The following HPD variants were observed in gnomAD, a reference collection of about 807,000 sequenced individuals.
HPD encodes the protein 4-hydroxyphenylpyruvate dioxygenase, also known as 4-hydroxyphenylpyruvic acid oxidase.
HPD carries 35 observed loss-of-function variants against 56.9 expected under a neutral mutation model. The observed-to-expected ratio is 0.62, with a 90% CI of 0.47 to 0.82. The LOEUF (loss-of-function observed/expected upper bound fraction) is 0.82, where lower values mean the gene tolerates loss of function less well. Ranked by LOEUF, HPD falls within the 40% of genes least tolerant of loss-of-function variation. The pLI is 0.00. For synonymous variants in HPD, 186 were observed against 200.2 expected, an observed-to-expected ratio of 0.93 and a Z score of 0.60; for missense variants, 442 against 506.8, an observed-to-expected ratio of 0.87 and a Z score of 1.23.
At chr12:121,855,642 A>T (rs1475920380) in intron 6 of HPD, among the ~76,000 whole-genome samples, 1 of 151,902 alleles carries the variant, frequency 6.6e-6, no homozygotes, top group African/African-American at 2.4e-5. Context: ...GCTTGAACCC[A>T]GGAGGTGGAG....
the HPD span, among the ~76,000 whole-genome samples, chr12:121,883,181 TGTGTGTG>T: frequency 0.038 from 88 of 2,296 alleles, no homozygotes; most frequent in Admixed American, 0.076. Flanking sequence ...GAGCATAAGT[TGTGTGTG>T]TGTGTGTGTG....
upstream of HPD, among the ~76,000 whole-genome samples, chr12:121,860,302 T>C (rs1460049735): frequency 6.6e-6 from 1 of 152,152 alleles, no homozygotes; most frequent in Non-Finnish European, 1.5e-5. Context: ...ATCTTGTCAC[T>C]TTGATTGCTG....
chr12:121,846,950 A>G lies in HPD; in HGVS notation c.760-17T>C. The stretch of plus-strand genomic sequence containing the variant: ...CACATATTCCTGGGGGAGGGAAACA[A>G]GGAGACCACTGTCATTTGCCCCATC... On this transcript the variant is annotated splice_polypyrimidine_tract_variant and intron_variant, in intron 10 of 13. Transcript: ENST00000289004. The G allele has an allele frequency of 6.2e-7, 1 of 1,613,736 alleles. No homozygotes were observed. The highest frequency in any genetic ancestry group is 1.1e-5 in the South Asian group (1 of 91,076).
At chr12:121,848,046 C>T (rs1193807580) in intron 9 of HPD, among the ~76,000 whole-genome samples, 1 of 152,108 alleles carries the variant, frequency 6.6e-6, no homozygotes, top group Non-Finnish European at 1.5e-5. Context: ...AAGGCTCCCA[C>T]AGATGGAAGT....
chr12:121,884,188 T>C, the HPD span, among the ~76,000 whole-genome samples: 2 of 88,924 alleles, frequency 2.2e-5, no homozygotes, highest in African/African-American at 4.7e-5. Flanking sequence ...TTTTTTTTTT[T>C]GAGACGGAGT....
chr12:121,886,410 G>A, the HPD span, among the ~76,000 whole-genome samples: 1 of 110,338 alleles, frequency 9.1e-6, no homozygotes, highest in Non-Finnish European at 1.8e-5. Context: ...GCCTGGCCTA[G>A]TTTTTTTTTT....
At chr12:121,857,905 C>T (rs1053945365) in intron 2 of HPD, 86 bp from the exon 3 acceptor site, 5 of 995,070 alleles carry the variant, frequency 5.0e-6, no homozygotes, top group East Asian at 2.5e-5. Context: ...TAGCCACCCT[C>T]CTTATTCCAG....
the HPD span, among the ~76,000 whole-genome samples, chr12:121,878,123 A>G: frequency 6.6e-6 from 1 of 152,196 alleles, no homozygotes; most frequent in East Asian, 1.9e-4. Context: ...GTTGCACAAC[A>G]TTGTGAATTA....
At chr12:121,853,809 G>A (rs147635497) in intron 7 of HPD, among the ~76,000 whole-genome samples, 16 of 151,722 alleles carry the variant, frequency 1.1e-4, no homozygotes, top group African/African-American at 3.6e-4. Context: ...CCGTGTGTGC[G>A]GGTGGATGCC....
intron 6 of HPD, 60 bp downstream of exon 6, chr12:121,856,264 A>C (rs978364777): frequency 6.0e-6 from 8 of 1,333,056 alleles, no homozygotes; most frequent in Admixed American, 5.0e-5. Flanking sequence ...GCCCTGACTG[A>C]TGGGGTCCCC....
intron 7 of HPD, chr12:121,850,027 G>C (rs1051341024): frequency 9.6e-6 from 5 of 518,900 alleles, no homozygotes; most frequent in African/African-American, 9.6e-5. Flanking sequence ...CCAGCGCCAA[G>C]CTCAGTGCCT....
chr12:121,849,995 T>C, intron 7 of HPD: 2 of 588,794 alleles, frequency 3.4e-6, no homozygotes, highest in African/African-American at 1.8e-5. Context: ...GCGGGGACAC[T>C]GTTTTGCTCA....
chr12:121,843,827 G>A lies in HPD; in HGVS notation c.837C>T (p.Arg279=). Residue 279 remains arginine (R), a synonymous_variant, in exon 12 of 14, where the codon CGC becomes CGT. Transcript: ENST00000289004. ...ACTCCAGGCCTCTCTCTCTCAAGTG[G>A]CGAATCTGTTTCAGAGCAAAGCTGA... ...LKTEDIITAI[R]HLRERGLEFL... 1 of 1,614,050 alleles carries A rather than the reference G, an allele frequency of 6.2e-7. No homozygotes were observed. Among genetic ancestry groups the A allele is most frequent in the Non-Finnish European group, 8.5e-7 (1 of 1,179,998 alleles).
chr12:121,846,839 C>T (rs779933779), intron 11 of HPD, 23 bp downstream of exon 11: 6 of 1,611,090 alleles, frequency 3.7e-6, no homozygotes, highest in Admixed American at 3.3e-5. Flanking sequence ...GAGAGGAATT[C>T]GGACAGGGAA....
chr12:121,853,427 G>A (rs1877876528), intron 7 of HPD, among the ~76,000 whole-genome samples: 1 of 151,408 alleles, frequency 6.6e-6, no homozygotes, highest in Non-Finnish European at 1.5e-5. Flanking sequence ...AGGAGATCGA[G>A]ACCATCCTGG....
chr12:121,856,239 A>C, intron 6 of HPD, 85 bp downstream of exon 6: 1 of 995,504 alleles, frequency 1.0e-6, no homozygotes, highest in Non-Finnish European at 1.6e-6. Context: ...ACTGTGATGC[A>C]GCAGTGTCCT....
At chr12:121,883,018 T>A in the HPD span, among the ~76,000 whole-genome samples, 1 of 152,032 alleles carries the variant, frequency 6.6e-6, no homozygotes, top group African/African-American at 2.4e-5. Context: ...GTGAGCCACC[T>A]CACCCAGCCT....
At chr12:121,852,548 T>C (rs747766463) in intron 7 of HPD, among the ~76,000 whole-genome samples, 4 of 151,560 alleles carry the variant, frequency 2.6e-5, no homozygotes, top group Non-Finnish European at 4.4e-5. Flanking sequence ...CTAAACAGAA[T>C]TGGTCATCTT....
chr12:121,856,665 G>T (rs774905203), intron 4 of HPD, 40 bp from the exon 5 acceptor site: 2 of 1,599,076 alleles, frequency 1.3e-6, no homozygotes, highest in African/African-American at 2.7e-5. Context: ...AGTGGCTCAG[G>T]GGGGCATGGG....
Sources: allele counts gnomAD v4.1 joint callset (sites outside exome capture counted in the v4.1 genomes callset), GRCh38; gene constraint gnomAD v4.1.1; transcripts MANE v1.5; gene names NCBI Gene and HGNC (gene_info 2026-07-23, HGNC 2026-07-21).